The following ZNF439 variants were observed in gnomAD, a reference collection of about 807,000 sequenced individuals.
ZNF439 encodes zinc finger protein 439.
Under a neutral mutation model 47.3 loss-of-function variants are expected in ZNF439, and 40 were observed. That is an observed-to-expected ratio of 0.85 (90% CI 0.66 to 1.10). The LOEUF is 1.10. ZNF439 is among the 50% of genes least tolerant of loss of function. The pLI, the probability that ZNF439 is intolerant of heterozygous loss-of-function variation, is 0.00. For missense variants in ZNF439, 556 were observed against 601.1 expected (o/e 0.93, Z 0.78); for synonymous variants, 171 against 198.8 (o/e 0.86, Z 1.18).
At chr19:11,866,114 A>G in intron 1 of ZNF439, 91 bp from the exon 2 acceptor site, 1 of 1,585,682 alleles carries the variant, frequency 6.3e-7, no homozygotes, top group South Asian at 1.2e-5. Flanking sequence ...TTTGGAGTCC[A>G]CGGCATCCTG....
Position 11,866,551 on chromosome 19 carries a change from G to A in ZNF439, c.205G>A (p.Asp69Asn). The change falls in exon 3 of 4, where the codon GAC becomes AAC. Residue 69 changes from aspartate to asparagine, a missense_variant. By Grantham distance (23) the Asp-to-Asn change is conservative. Transcript: ENST00000682736. Reference sequence around the variant, plus strand: ...TTGTATTTTAGGAAAAAAGTGGAAAGACCAGAACATTGAATATGAGTACCA... The same window carrying A: ...TTGTATTTTAGGAAAAAAGTGGAAAAACCAGAACATTGAATATGAGTACCA... ...NLTSIGKKWK[D>N]QNIEYEYQNP... The A allele has an allele frequency of 6.2e-7, 1 of 1,613,470 alleles. No individual in the cohort carries two copies. The highest frequency in any genetic ancestry group is 8.5e-7 in the Non-Finnish European group (1 of 1,179,716).
chr19:11,850,808 T>C (rs1022872710), intron 1 of ZNF439: 5 of 152,132 alleles, frequency 3.3e-5, no homozygotes, highest in African/African-American at 1.2e-4. Context: ...GGCGAGAGGA[T>C]CACTTGAGCT....
In ZNF439 at chr19:11,859,664, C is replaced by T. The variant is rs187595853; in HGVS notation, c.64-6541C>T. Among the ~76,000 whole-genome samples the T allele has an allele frequency of 7.2e-5, 11 of 152,204 alleles. No homozygotes were observed. The East Asian group carries it at 1.4e-3, about 19-fold the overall frequency. On this transcript the variant is annotated intron_variant, in intron 1 of 3. Transcript: ENST00000682736. ...ATAAACTGCTGTGGATTATTTGAAT[C>T]GGGCCTTATGGAAATAGGAAAAACG...
intron 3 of ZNF439, 102 bp from the exon 4 acceptor site, chr19:11,867,204 C>T (rs11085794): frequency 0.24 from 328,583 of 1,347,446 alleles, 44,526 homozygotes; most frequent in Non-Finnish European, 0.28. Flanking sequence ...AGAAAGCCTA[C>T]ACTTTGATGG....
intron 1 of ZNF439, chr19:11,858,440 T>A (rs747799390): frequency 1.4e-5 from 2 of 140,678 alleles, no homozygotes; most frequent in Non-Finnish European, 3.0e-5. Flanking sequence ...CACTCCAGCC[T>A]GGGCGACAGA....
In ZNF439 at chr19:11,868,845, C is replaced by T. The variant is rs1599329864; in HGVS notation, c.*276C>T. On this transcript the variant is annotated 3_prime_UTR_variant, in exon 4 of 4. Coordinates refer to ENST00000682736, the MANE Select transcript of ZNF439 (RefSeq NM_001348719.2). The stretch of plus-strand genomic sequence containing the variant: ...ATGTAAGAAATGTGGAAAAGCGTTC[C>T]ATAATTTCTCTTCTTTTCAAATACA... 3 of 482,174 alleles carry T rather than the reference C, an allele frequency of 6.2e-6. No individual in the cohort carries two copies. The East Asian group carries it at 1.2e-4, about 19-fold the overall frequency. 29.9% of individuals were successfully genotyped at this position (482,174 alleles called of 1,614,324 possible). A position where few individuals can be genotyped will look rare whatever the true frequency, so the allele number is the denominator to read the frequency against.
intron 1 of ZNF439, among the ~76,000 whole-genome samples, chr19:11,863,477 G>T (rs1042801730): frequency 6.6e-5 from 10 of 152,016 alleles, no homozygotes; most frequent in African/African-American, 2.2e-4. Flanking sequence ...TTTTTGATTA[G>T]TTGGCTTTTT....
chr19:11,851,043 A>G (rs564408578), intron 1 of ZNF439: 1 of 152,274 alleles, frequency 6.6e-6, no homozygotes, highest in Non-Finnish European at 1.5e-5. Context: ...AAAAACAAAA[A>G]CAAAACAAAC....
intron 1 of ZNF439, 34 bp downstream of exon 1, chr19:11,848,964 GA>G: frequency 6.6e-7 from 1 of 1,526,070 alleles, no homozygotes; most frequent in Non-Finnish European, 8.9e-7. Context: ...TGCGATGGGG[GA>G]GGGGCTGCCT....
chr19:11,864,667 A>T (rs1976626301), intron 1 of ZNF439, among the ~76,000 whole-genome samples: 1 of 152,220 alleles, frequency 6.6e-6, no homozygotes, highest in South Asian at 2.1e-4. Context: ...GGAATTTTAC[A>T]TGTACAATTG....
chr19:11,854,401 G>C (rs900176404), intron 1 of ZNF439, among the ~76,000 whole-genome samples: 8 of 152,206 alleles, frequency 5.3e-5, no homozygotes, highest in African/African-American at 1.2e-4. Flanking sequence ...GCAGCCCAAG[G>C]CTTGGACAGA....
At position 11,848,775 on chromosome 19, in the gene ZNF439, C is replaced by T; in HGVS notation, c.-93C>T. 7.5e-7 allele frequency: 1 copy of T among 1,329,068 alleles called. No homozygotes were observed. The highest frequency in any genetic ancestry group is 9.8e-7 in the Non-Finnish European group (1 of 1,017,956). 82.3% of individuals were successfully genotyped at this position (1,329,068 alleles called of 1,614,324 possible). A position where few individuals can be genotyped will look rare whatever the true frequency, so the allele number is the denominator to read the frequency against. On this transcript the variant is annotated 5_prime_UTR_variant, in exon 1 of 4. Transcript: ENST00000682736. ...GTTGCATTCCTGCCGTCACCTTTGT[C>T]GCTGCGAGGGCGGCGGTTGGGATCT... is the stretch of plus-strand genomic sequence containing the variant.
intron 1 of ZNF439, among the ~76,000 whole-genome samples, chr19:11,858,926 C>T (rs539111680): frequency 1.4e-4 from 22 of 152,302 alleles, no homozygotes; most frequent in African/African-American, 5.3e-4. Context: ...TCTGATATCC[C>T]ATTTTAGGGT....
At chr19:11,854,990 C>A (rs1005641235) in intron 1 of ZNF439, among the ~76,000 whole-genome samples, 1 of 152,100 alleles carries the variant, frequency 6.6e-6, no homozygotes, top group Admixed American at 6.6e-5. Context: ...GTATCCCAAC[C>A]CCGATGCTGC....
chr19:11,852,079 T>C (rs1380155354), intron 1 of ZNF439, among the ~76,000 whole-genome samples: 1 of 152,164 alleles, frequency 6.6e-6, no homozygotes, highest in Non-Finnish European at 1.5e-5. Flanking sequence ...GTGATAGCCA[T>C]GAAGTCTTTG....
At chr19:11,865,533 T>C (rs1266616045) in intron 1 of ZNF439, among the ~76,000 whole-genome samples, 1 of 150,476 alleles carries the variant, frequency 6.6e-6, no homozygotes, top group African/African-American at 2.5e-5. Flanking sequence ...TCTAACAATG[T>C]CATCAAAGAT....
chr19:11,865,575 C>T lies in ZNF439; in HGVS notation c.64-630C>T, dbSNP rs113053816. ...TTGGGAACAGGCATTTTCAAGGATA[C>T]ACAGCTTCAGGACTGCTAATGTTAA... On this transcript the variant is annotated intron_variant, in intron 1 of 3. Coordinates refer to ENST00000682736, the MANE Select transcript of ZNF439 (RefSeq NM_001348719.2). Among the ~76,000 whole-genome samples, 838 of 151,106 alleles carry T rather than the reference C, an allele frequency of 5.5e-3. 7 individuals are homozygous for T. The highest frequency in any genetic ancestry group is 0.019 in the African/African-American group (783 of 41,044).
chr19:11,865,637 G>T (rs1323503180), intron 1 of ZNF439, among the ~76,000 whole-genome samples: 1 of 139,806 alleles, frequency 7.2e-6, no homozygotes, highest in Non-Finnish European at 1.5e-5. Context: ...ACTCTGTTAT[G>T]ACAGGTGCTA....
intron 1 of ZNF439, among the ~76,000 whole-genome samples, chr19:11,863,212 G>A (rs978172419): frequency 6.8e-5 from 9 of 132,058 alleles, no homozygotes; most frequent in Admixed American, 5.4e-4. Context: ...CTGGAGTGCC[G>A]TGGCACAGTC....
Sources: gnomAD v4.1 joint callset for allele counts (sites outside exome capture counted in the v4.1 genomes callset) on GRCh38, gnomAD v4.1.1 for gene constraint, MANE v1.5 for transcripts, NCBI Gene and HGNC (gene_info 2026-07-23, HGNC 2026-07-21) for gene names.